The following ASPH variants were observed in gnomAD, a reference collection of about 807,000 sequenced individuals.
ASPH encodes aspartate beta-hydroxylase.
ASPH carries 100 observed loss-of-function variants against 118.4 expected under a neutral mutation model. The ratio of observed to expected loss-of-function variants is 0.84; its 90% CI spans 0.72 to 1.00. The LOEUF (loss-of-function observed/expected upper bound fraction) is 1.00, where lower values mean the gene tolerates loss of function less well. Ranked by LOEUF, ASPH falls within the 50% of genes least tolerant of loss-of-function variation. ASPH has a pLI of 0.00. For missense variants in ASPH, 920 were observed against 919.5 expected, an observed-to-expected ratio of 1.00 and a Z score of -0.01; for synonymous variants, 315 against 325.6, an observed-to-expected ratio of 0.97 and a Z score of 0.35.
chr8:61,533,701 T>C (rs1586669832), intron 21 of ASPH, among the ~76,000 whole-genome samples: 2 of 152,232 alleles, frequency 1.3e-5, no homozygotes, highest in Admixed American at 1.3e-4. Context: ...ATTGCTGTAG[T>C]ACCAGGTGCC....
At chr8:61,530,846 C>T (rs986670873) in intron 21 of ASPH, among the ~76,000 whole-genome samples, 1 of 152,172 alleles carries the variant, frequency 6.6e-6, no homozygotes, top group Non-Finnish European at 1.5e-5. Flanking sequence ...TGTTAACCTG[C>T]TTATATCTAA....
chr8:61,602,875 C>T (rs886439978), intron 14 of ASPH, among the ~76,000 whole-genome samples: 2 of 152,060 alleles, frequency 1.3e-5, no homozygotes, highest in Non-Finnish European at 2.9e-5. Context: ...AAAAATATAA[C>T]CACAATACTG....
At chr8:61,651,445 C>A in intron 4 of ASPH, 2 of 218,324 alleles carry the variant, frequency 9.2e-6, no homozygotes, top group Non-Finnish European at 1.8e-5. Flanking sequence ...TAATAAAATT[C>A]GCAATAATGA....
chr8:61,664,603 C>T (rs373643669), intron 3 of ASPH: 7 of 984,914 alleles, frequency 7.1e-6, no homozygotes, highest in African/African-American at 3.5e-5. Flanking sequence ...TGAGGGGCAG[C>T]GGTGAGGTGA....
At chr8:61,528,305 A>C (rs1249224316) in intron 21 of ASPH, among the ~76,000 whole-genome samples, 1 of 152,196 alleles carries the variant, frequency 6.6e-6, no homozygotes, top group African/African-American at 2.4e-5. Flanking sequence ...GGAAAAGAAA[A>C]AAATGCACCC....
In ASPH at chr8:61,657,974, TGTGCTCAGGGTGA is replaced by T. The variant is rs913916712; in HGVS notation, c.323-4327_323-4315del. ...CCAGGTTACTCCAGCTATGGTTATC[TGTGCTCAGGGTGA>T]GTGCTCAGAAGTGGTACTGTTTCAA... On this transcript the variant is annotated intron_variant, in intron 3 of 24. Coordinates refer to ENST00000379454, the MANE Select transcript of ASPH (RefSeq NM_004318.4). The T allele has an allele frequency of 2.6e-5, 4 of 152,370 alleles. No individual in the cohort carries two copies. The East Asian group carries it at 7.7e-4, about 29-fold the overall frequency. The allele number at this position is 152,370 out of a possible 1,614,324, so 9.4% of individuals were successfully genotyped here. A position where few individuals can be genotyped will look rare whatever the true frequency, so the allele number is the denominator to read the frequency against.
At chr8:61,608,461 C>A (rs912852641) in intron 14 of ASPH, among the ~76,000 whole-genome samples, 5 of 152,138 alleles carry the variant, frequency 3.3e-5, no homozygotes, top group Non-Finnish European at 1.5e-5. Flanking sequence ...GTTTGCTTAC[C>A]ATTTGTGGCT....
intron 15 of ASPH, chr8:61,578,441 C>T: frequency 1.9e-6 from 3 of 1,599,812 alleles, no homozygotes; most frequent in Admixed American, 3.3e-5. Flanking sequence ...GCCTACTGAG[C>T]CCCCTTGTCC....
chr8:61,541,968 G>T (rs1350595209), intron 21 of ASPH, among the ~76,000 whole-genome samples: 1 of 152,172 alleles, frequency 6.6e-6, no homozygotes, highest in African/African-American at 2.4e-5. Context: ...CAGCAGTAGT[G>T]GGGTACTGGC....
At chr8:61,619,991 T>C (rs924141716) in intron 13 of ASPH, among the ~76,000 whole-genome samples, 25 of 152,316 alleles carry the variant, frequency 1.6e-4, no homozygotes, top group Admixed American at 1.0e-3. Flanking sequence ...CAAGTGAACA[T>C]TGACACAGAT....
chr8:61,562,581 A>G (rs1305220324), intron 18 of ASPH, among the ~76,000 whole-genome samples, 163 bp downstream of exon 18: 1 of 152,210 alleles, frequency 6.6e-6, no homozygotes, highest in Non-Finnish European at 1.5e-5. Flanking sequence ...CTGATCTAGG[A>G]AGAAAAGCAA....
At chr8:61,517,316 T>C (rs1181069284) in intron 24 of ASPH, 3 of 578,638 alleles carry the variant, frequency 5.2e-6, no homozygotes, top group East Asian at 3.0e-5. Context: ...CGAGAAATAA[T>C]GGAGGAGGGC....
chr8:61,515,808 C>T (rs1318697977), intron 24 of ASPH, among the ~76,000 whole-genome samples: 3 of 152,202 alleles, frequency 2.0e-5, no homozygotes, highest in East Asian at 3.9e-4. Context: ...TGCCCCATTC[C>T]TGTATCACAC....
In ASPH at chr8:61,645,286, A is replaced by G. The variant is rs752459623; in HGVS notation, c.620-654T>C. Among the ~76,000 whole-genome samples the G allele has an allele frequency of 7.9e-5, 12 of 152,216 alleles. 1 individual carries two copies. The highest frequency in any genetic ancestry group is 1.3e-4 in the Admixed American group (2 of 15,282). On this transcript the variant is annotated intron_variant, in intron 6 of 24. Coordinates refer to ENST00000379454, the MANE Select transcript of ASPH (RefSeq NM_004318.4). ...GAAAGTAAGGTTTCTGCAATTTGTGAACTTCTTAAAAGTGTTTCTTCCTAC... is the reference window on the plus strand; with the variant it reads ...GAAAGTAAGGTTTCTGCAATTTGTGGACTTCTTAAAAGTGTTTCTTCCTAC...
intron 14 of ASPH, among the ~76,000 whole-genome samples, chr8:61,590,511 AT>A (rs1224624026): frequency 6.6e-6 from 1 of 151,018 alleles, no homozygotes; most frequent in African/African-American, 2.4e-5. Flanking sequence ...TTCTGATACA[AT>A]TTTGTATGGC....
chr8:61,582,933 A>G (rs1838040580), intron 15 of ASPH: 1 of 152,230 alleles, frequency 6.6e-6, no homozygotes, highest in African/African-American at 2.4e-5. Context: ...TAAATACATT[A>G]TAATAAATAT....
At chr8:61,557,571 C>T (rs910581417) in intron 18 of ASPH, among the ~76,000 whole-genome samples, 4 of 152,214 alleles carry the variant, frequency 2.6e-5, no homozygotes, top group African/African-American at 9.6e-5. Flanking sequence ...TACCTTGTCT[C>T]ACTTTTCTTC....
intron 24 of ASPH, among the ~76,000 whole-genome samples, chr8:61,507,465 T>G (rs1379431064): frequency 1.3e-5 from 2 of 152,234 alleles, no homozygotes; most frequent in Non-Finnish European, 2.9e-5. Context: ...TAATGTAGAT[T>G]TTTTAATGTA....
intron 20 of ASPH, among the ~76,000 whole-genome samples, chr8:61,552,178 C>G (rs1826250531): frequency 6.6e-6 from 1 of 152,196 alleles, no homozygotes; most frequent in African/African-American, 2.4e-5. Flanking sequence ...TCACTTTACC[C>G]TTTTATCCAC....
Sources: allele counts gnomAD v4.1 joint callset (sites outside exome capture counted in the v4.1 genomes callset), GRCh38; gene constraint gnomAD v4.1.1; transcripts MANE v1.5; gene names NCBI Gene and HGNC (gene_info 2026-07-23, HGNC 2026-07-21).